The following CACNA2D1 variants were observed in gnomAD, a reference collection of about 807,000 sequenced individuals.
CACNA2D1 encodes voltage-dependent calcium channel subunit alpha-2/delta-1.
CACNA2D1 carries 53 observed loss-of-function variants against 171.5 expected under a neutral mutation model. That is an observed-to-expected ratio of 0.31 (90% CI 0.25 to 0.39). The LOEUF (loss-of-function observed/expected upper bound fraction) is 0.39. Ranked by LOEUF, CACNA2D1 falls within the 10% of genes least tolerant of loss-of-function variation. The pLI is 1.00. For missense variants in CACNA2D1, 903 were observed against 1,299.8 expected (o/e 0.69, Z 4.69); for synonymous variants, 442 against 443.1 (o/e 1.00, Z 0.03).
At chr7:82,203,055 G>A (rs116145060) in intron 3 of CACNA2D1, among the ~76,000 whole-genome samples, 88 of 152,244 alleles carry the variant, frequency 5.8e-4, no homozygotes, top group African/African-American at 1.9e-3. Flanking sequence ...CCCCCTAGGT[G>A]CTTCAACTCA....
At chr7:82,143,760 T>C (rs1356052479) in intron 4 of CACNA2D1, among the ~76,000 whole-genome samples, 3 of 152,152 alleles carry the variant, frequency 2.0e-5, no homozygotes, top group Admixed American at 6.5e-5. Flanking sequence ...TTACTGCCTA[T>C]AAAAACTTTC....
intron 3 of CACNA2D1, among the ~76,000 whole-genome samples, chr7:82,232,651 G>A (rs1190906700): frequency 1.3e-5 from 2 of 151,892 alleles, no homozygotes; most frequent in African/African-American, 2.4e-5. Flanking sequence ...AGATCACGAG[G>A]TCAGGAGATG....
chr7:82,435,421 CACA>C lies in CACNA2D1; in HGVS notation c.95+7941_95+7943del, dbSNP rs570240518. Among the ~76,000 whole-genome samples the C allele has an allele frequency of 3.7e-3, 558 of 152,268 alleles. 9 individuals carry two copies. Among genetic ancestry groups the C allele is most frequent in the Non-Finnish European group, 4.1e-3 (279 of 68,012 alleles). Reference sequence around the variant, plus strand: ...CCAACGATCAACCTACTCCCACTCTCACAACATCAACCTGCATTCCTCCTGTGT... The same window carrying C: ...CCAACGATCAACCTACTCCCACTCTCACATCAACCTGCATTCCTCCTGTGT... On this transcript the variant is annotated intron_variant, in intron 1 of 38. Transcript: ENST00000356860.
chr7:81,992,645 T>C (rs1190002418), intron 20 of CACNA2D1, among the ~76,000 whole-genome samples: 1 of 152,198 alleles, frequency 6.6e-6, no homozygotes, highest in African/African-American at 2.4e-5. Flanking sequence ...AAATGTAAGT[T>C]TTTTCAATAT....
intron 1 of CACNA2D1, among the ~76,000 whole-genome samples, chr7:82,378,473 T>C (rs1414706901): frequency 6.6e-6 from 1 of 152,206 alleles, no homozygotes; most frequent in Non-Finnish European, 1.5e-5. Flanking sequence ...GTAACTATAT[T>C]CAACATTATG....
At chr7:82,165,175 T>C (rs965680409) in intron 4 of CACNA2D1, among the ~76,000 whole-genome samples, 7 of 151,966 alleles carry the variant, frequency 4.6e-5, no homozygotes, top group Admixed American at 4.6e-4. Flanking sequence ...TACCTCCCCA[T>C]TTCCTAAGCC....
intron 1 of CACNA2D1, among the ~76,000 whole-genome samples, chr7:82,350,038 T>C (rs974995693): frequency 2.0e-5 from 3 of 152,204 alleles, no homozygotes; most frequent in Non-Finnish European, 4.4e-5. Flanking sequence ...ATGCAGACCA[T>C]TTGTAAAATG....
chr7:82,098,641 A>G (rs1044639130), intron 6 of CACNA2D1, among the ~76,000 whole-genome samples: 2 of 152,168 alleles, frequency 1.3e-5, no homozygotes, highest in Non-Finnish European at 2.9e-5. Context: ...TGATGATTAC[A>G]TGGTCTTATA....
chr7:81,965,475 T>C (rs1277011818), intron 32 of CACNA2D1, 119 bp downstream of exon 32: 1 of 730,234 alleles, frequency 1.4e-6, no homozygotes, highest in African/African-American at 1.7e-5. Context: ...TTTTACAAAT[T>C]ATTGTATGAC....
At chr7:82,379,315 T>TG (rs11430627) in intron 1 of CACNA2D1, among the ~76,000 whole-genome samples, 76,744 of 151,886 alleles carry the variant, frequency 0.51, 19,834 homozygotes, top group African/African-American at 0.6. Flanking sequence ...ATTCATAATT[T>TG]TTTTCACCTA....
chr7:82,402,218 G>A lies in CACNA2D1; in HGVS notation c.95+41147C>T, dbSNP rs1344385227. On this transcript the variant is annotated intron_variant, in intron 1 of 38. Coordinates refer to ENST00000356860, the MANE Select transcript of CACNA2D1 (RefSeq NM_000722.4). ...AAGGAACAGCATATGCAAAGTCAGA[G>A]AGGCAGCATTTGGCAAATAATTGCT... 2.0e-5 allele frequency among the ~76,000 whole-genome samples: 3 copies of A among 152,208 alleles called. No individual in the cohort carries two copies. The East Asian group carries it at 5.8e-4, about 29-fold the overall frequency.
chr7:82,132,708 A>T (rs140409585), intron 5 of CACNA2D1, among the ~76,000 whole-genome samples: 92 of 152,334 alleles, frequency 6.0e-4, no homozygotes, highest in African/African-American at 2.0e-3. Flanking sequence ...TAGCCAGTGT[A>T]TCCAGAATGT....
chr7:82,118,379 T>A (rs1335016474), intron 5 of CACNA2D1, among the ~76,000 whole-genome samples: 1 of 152,152 alleles, frequency 6.6e-6, no homozygotes, highest in Non-Finnish European at 1.5e-5. Flanking sequence ...TTAAATGATA[T>A]GAAGTTTAAA....
rs770300395 is a variant in CACNA2D1, at chr7:82,066,527, A to G, written c.659-3T>C. The G allele has an allele frequency of 1.1e-4, 14 of 127,734 alleles. No homozygotes were observed. The South Asian group carries it at 2.5e-3, about 22-fold the overall frequency. 7.9% of individuals were successfully genotyped at this position (127,734 alleles called of 1,614,324 possible). On this transcript the variant is annotated splice_region_variant and splice_polypyrimidine_tract_variant and intron_variant, in intron 7 of 38. Transcript: ENST00000356860. Reference sequence around the variant, plus strand: ...ACTATTATCAACCCATGGTGAAGCTAAAAAAAAAAAAAAAAGAGAGATATT... The same window carrying G: ...ACTATTATCAACCCATGGTGAAGCTGAAAAAAAAAAAAAAAGAGAGATATT...
intron 12 of CACNA2D1, chr7:82,029,636 GA>G (rs1267732458): frequency 6.6e-6 from 1 of 151,778 alleles, no homozygotes; most frequent in Non-Finnish European, 1.5e-5. Context: ...CTTTATGTAA[GA>G]GAGGTCATGC....
At chr7:82,194,861 G>A (rs1055816869) in intron 3 of CACNA2D1, among the ~76,000 whole-genome samples, 7 of 151,834 alleles carry the variant, frequency 4.6e-5, no homozygotes, top group Non-Finnish European at 1.0e-4. Flanking sequence ...TGAAAGGTAA[G>A]CAGTATTGTA....
At chr7:82,129,580 A>G (rs1790720836) in intron 5 of CACNA2D1, among the ~76,000 whole-genome samples, 1 of 152,110 alleles carries the variant, frequency 6.6e-6, no homozygotes, top group Non-Finnish European at 1.5e-5. Flanking sequence ...TGATGGTTTT[A>G]GTCTACTTTT....
At chr7:82,307,988 T>C (rs919132670) in intron 3 of CACNA2D1, among the ~76,000 whole-genome samples, 1 of 152,242 alleles carries the variant, frequency 6.6e-6, no homozygotes, top group African/African-American at 2.4e-5. Flanking sequence ...TGTTCTCTTT[T>C]GGATCCTGTT....
intron 12 of CACNA2D1, chr7:82,027,548 C>T (rs567559771): frequency 4.0e-5 from 6 of 151,736 alleles, no homozygotes; most frequent in African/African-American, 1.4e-4. Context: ...TCATCTTTAG[C>T]CTATAATAAT....
Sources: gnomAD v4.1 joint callset for allele counts (sites outside exome capture counted in the v4.1 genomes callset) on GRCh38, gnomAD v4.1.1 for gene constraint, MANE v1.5 for transcripts, NCBI Gene and HGNC (gene_info 2026-07-23, HGNC 2026-07-21) for gene names.